ERICH3: variants seen among roughly 807,000 people sequenced by gnomAD.
The protein encoded by ERICH3 is glutamate-rich protein 3.
Under a neutral mutation model 131.1 loss-of-function variants are expected in ERICH3, and 126 were observed. The ratio of observed to expected loss-of-function variants is 0.96; its 90% CI spans 0.83 to 1.11. The LOEUF is 1.11. ERICH3 is among the 50% of genes most tolerant of loss of function. The probability of loss-of-function intolerance (pLI) is 0.00; values close to 1 mark genes in which losing one functional copy is unlikely to be tolerated. For missense variants in ERICH3, 2,050 were observed against 1,810.7 expected (o/e 1.13, Z -2.40); for synonymous variants, 695 against 644.6 (o/e 1.08, Z -1.18).
rs140946882 is a variant in ERICH3 at position 74,641,150 on chromosome 1, T to C, written c.444+181A>G. ...AGCAAAATTGATTTGGCAGTAGTGA[T>C]ATTGACTAGAAGTGAGATATTCAGA... On this transcript the variant is annotated intron_variant, in intron 5 of 14. Coordinates refer to ENST00000326665, the MANE Select transcript of ERICH3 (RefSeq NM_001002912.5). Among the ~76,000 whole-genome samples, 11 of 152,180 alleles carry C rather than the reference T, an allele frequency of 7.2e-5. No individual in the cohort carries two copies. In the East Asian group the frequency reaches 2.1e-3, roughly 29 times the overall value.
chr1:74,578,620 T>G (rs1471642495), intron 12 of ERICH3: 1 of 152,452 alleles, frequency 6.6e-6, no homozygotes, highest in Non-Finnish European at 1.5e-5. Flanking sequence ...CTTTCTGTCC[T>G]TTTTTCCTTC....
At chr1:74,607,479 GA>G (rs1648457910) in intron 9 of ERICH3, among the ~76,000 whole-genome samples, 1 of 151,968 alleles carries the variant, frequency 6.6e-6, no homozygotes, top group African/African-American at 2.4e-5. Context: ...ATTTTTTAAA[GA>G]AATATATACA....
At chr1:74,673,412 C>T (rs1646759758) in intron 1 of ERICH3, 85 bp downstream of exon 1, 1 of 1,543,934 alleles carries the variant, frequency 6.5e-7, no homozygotes, top group Non-Finnish European at 8.9e-7. Flanking sequence ...CTCGCCCCTT[C>T]CCTCCGCAGC....
Position 74,571,988 on chromosome 1 carries a change from T to C in ERICH3, c.3722A>G (p.Glu1241Gly), listed in dbSNP as rs1646958058. The C allele has an allele frequency of 3.7e-6, 6 of 1,614,078 alleles. No homozygotes were observed. The highest frequency in any genetic ancestry group is 3.4e-6 in the Non-Finnish European group (4 of 1,180,020). ...EGLIPATGQAEELAAKDHDSC... is the reference protein window; with the variant it reads ...EGLIPATGQAGELAAKDHDSC... ...GTCGTGATCTTTGGCTGCTAGCTCC[T>C]CTGCCTGGCCTGTGGCTGGGATCAG... Residue 1241 changes from glutamate to glycine, a missense_variant, in exon 14 of 15, where the codon GAG (glutamate) becomes GGG (glycine). Glu to Gly is a moderately conservative substitution (Grantham distance 98). Transcript: ENST00000326665.
At position 74,660,595 on chromosome 1, in the gene ERICH3, G is replaced by GTATA. The variant is rs35580326; in HGVS notation, c.24-11284_24-11281dup. 2.3e-3 allele frequency among the ~76,000 whole-genome samples: 332 copies of GTATA among 143,914 alleles called. 5 individuals carry two copies. In the South Asian group the frequency reaches 0.024, roughly 10 times the overall value. The allele number at this position is 143,914 out of a possible 152,430, so 94.4% of individuals were successfully genotyped here. A position where few individuals can be genotyped will look rare whatever the true frequency, so the allele number is the denominator to read the frequency against. ...TGTGCACACATTCAGACACACAAGT[G>GTATA]TATATATATATATATATATAGTGTG... On this transcript the variant is annotated intron_variant, in intron 1 of 14. Transcript: ENST00000326665.
intron 12 of ERICH3, among the ~76,000 whole-genome samples, chr1:74,583,349 C>T (rs527865870): frequency 9.9e-5 from 15 of 152,098 alleles, no homozygotes; most frequent in Admixed American, 2.6e-4. Flanking sequence ...ATGCTTTTTC[C>T]TATACATGCC....
chr1:74,639,165 A>G (rs963144510), intron 5 of ERICH3, among the ~76,000 whole-genome samples: 3 of 152,314 alleles, frequency 2.0e-5, no homozygotes, highest in African/African-American at 7.2e-5. Flanking sequence ...CAGATCACCC[A>G]AAAGAATTCT....
Position 74,571,593 on chromosome 1 carries a change from T to G in ERICH3, c.4117A>C (p.Asn1373His). Reference protein sequence around the residue: ...SETAEEKTIANKASSFSDVAE... With the variant: ...SETAEEKTIAHKASSFSDVAE... Reference sequence around the variant, plus strand: ...ACATCTGAAAAGGAGGAGGCTTTATTTGCTATTGTTTTCTCCTCGGCTGTC... The same window carrying G: ...ACATCTGAAAAGGAGGAGGCTTTATGTGCTATTGTTTTCTCCTCGGCTGTC... Residue 1373 changes from asparagine to histidine, a missense_variant, in exon 14 of 15, where the codon AAT (asparagine) becomes CAT (histidine). Physicochemically the swap from Asn to His is moderately conservative, Grantham distance 68. Coordinates refer to ENST00000326665, the MANE Select transcript of ERICH3 (RefSeq NM_001002912.5). The G allele has an allele frequency of 6.2e-7, 1 of 1,614,120 alleles. No homozygotes were observed. The highest frequency in any genetic ancestry group is 8.5e-7 in the Non-Finnish European group (1 of 1,180,022).
chr1:74,650,071 T>A (rs1431486742), intron 1 of ERICH3, among the ~76,000 whole-genome samples: 1 of 152,174 alleles, frequency 6.6e-6, no homozygotes, highest in Admixed American at 6.6e-5. Flanking sequence ...AATAATAATG[T>A]GCTCAGGAAA....
At chr1:74,622,493 A>T (rs985659160) in intron 7 of ERICH3, 2 of 152,242 alleles carry the variant, frequency 1.3e-5, no homozygotes, top group African/African-American at 4.8e-5. Flanking sequence ...TGCCTGGGCA[A>T]CTGTGGAGCT....
intron 1 of ERICH3, among the ~76,000 whole-genome samples, chr1:74,657,972 G>T (rs1646601875): frequency 6.6e-6 from 1 of 152,168 alleles, no homozygotes; most frequent in South Asian, 2.1e-4. Flanking sequence ...TGGAAACTAA[G>T]AATTTTTATC....
chr1:74,615,731 G>A (rs546769095), intron 8 of ERICH3, among the ~76,000 whole-genome samples: 2 of 152,282 alleles, frequency 1.3e-5, no homozygotes, highest in South Asian at 2.1e-4. Context: ...TTTAGGTAAT[G>A]GGAATCCATG....
At chr1:74,650,834 CTGTG>C (rs5775252) in intron 1 of ERICH3, among the ~76,000 whole-genome samples, 66,326 of 145,856 alleles carry the variant, frequency 0.45, 15,083 homozygotes, top group Non-Finnish European at 0.5. Context: ...GAGGGGACTA[CTGTG>C]TGTGTGTGTG....
At chr1:74,633,270 T>C (rs968542258) in intron 6 of ERICH3, among the ~76,000 whole-genome samples, 2 of 151,962 alleles carry the variant, frequency 1.3e-5, no homozygotes, top group Admixed American at 1.3e-4. Context: ...GAAAGAGATT[T>C]AAGTGGATAT....
intron 11 of ERICH3, among the ~76,000 whole-genome samples, chr1:74,598,591 T>C (rs981250629): frequency 4.0e-5 from 6 of 151,614 alleles, no homozygotes; most frequent in Admixed American, 6.6e-5. Flanking sequence ...TAATATCCAA[T>C]AGAGAAATGA....
Position 74,571,100 on chromosome 1 carries a change from G to A in ERICH3, c.*17C>T, listed in dbSNP as rs1384974260. The A allele has an allele frequency of 1.2e-6, 2 of 1,605,140 alleles. No individual in the cohort carries two copies. Among genetic ancestry groups the A allele is most frequent in the African/African-American group, 1.3e-5 (1 of 74,734 alleles). ...CAAAGACATTACGCTTAAACTCACT[G>A]TCTGCCAGCAAGTCTCCTAGACCTG... On this transcript the variant is annotated splice_region_variant and 3_prime_UTR_variant, in exon 14 of 15. Coordinates refer to ENST00000326665, the MANE Select transcript of ERICH3 (RefSeq NM_001002912.5).
At chr1:74,570,910 C>T (rs554373891) in intron 14 of ERICH3, among the ~76,000 whole-genome samples, 189 bp downstream of exon 14, 8 of 152,244 alleles carry the variant, frequency 5.3e-5, no homozygotes, top group African/African-American at 1.7e-4. Context: ...TGTCCCTGTG[C>T]ATGCTTTGGC....
chr1:74,622,341 G>A (rs1346137300), intron 7 of ERICH3: 6 of 152,150 alleles, frequency 3.9e-5, no homozygotes, highest in Non-Finnish European at 5.9e-5. Context: ...CATATTACAG[G>A]GCATCAAGAG....
At chr1:74,618,280 C>T (rs1257959587) in intron 8 of ERICH3, among the ~76,000 whole-genome samples, 2 of 152,262 alleles carry the variant, frequency 1.3e-5, no homozygotes, top group South Asian at 2.1e-4. Context: ...GAAAGCTGCA[C>T]AGCCTTAATC....
Sources: allele counts gnomAD v4.1 joint callset (sites outside exome capture counted in the v4.1 genomes callset), GRCh38; gene constraint gnomAD v4.1.1; transcripts MANE v1.5; gene names NCBI Gene and HGNC (gene_info 2026-07-23, HGNC 2026-07-21).